The following LRRTM4 variants were observed in gnomAD, a reference collection of about 807,000 sequenced individuals.
LRRTM4 encodes the protein leucine-rich repeat transmembrane neuronal protein 4.
In LRRTM4, 25 loss-of-function variants were observed where a neutral mutation model predicts 47.6. The observed-to-expected ratio is 0.53, with a 90% CI of 0.38 to 0.73. The LOEUF is 0.73. LRRTM4 is among the 30% of genes least tolerant of loss of function. LRRTM4 has a pLI of 0.00. For synonymous variants in LRRTM4, 311 were observed against 269.5 expected, an observed-to-expected ratio of 1.15 and a Z score of -1.51; for missense variants, 638 against 713.4, an observed-to-expected ratio of 0.89 and a Z score of 1.20.
In LRRTM4 at chr2:77,231,838, C is replaced by T. The variant is rs192114844; in HGVS notation, c.1551+286480G>A. ...ACACATGACTCTAACGTTAGGTATT[C>T]TGACTTATTTATACTGCAAGCTACT... On this transcript the variant is annotated intron_variant, in intron 3 of 3. Coordinates refer to ENST00000409884, the MANE Select transcript of LRRTM4 (RefSeq NM_001134745.3). 3.5e-4 allele frequency among the ~76,000 whole-genome samples: 53 copies of T among 152,252 alleles called. 1 individual carries two copies. Among genetic ancestry groups the T allele is most frequent in the Admixed American group, 3.3e-3 (50 of 15,288 alleles).
intron 3 of LRRTM4, among the ~76,000 whole-genome samples, chr2:77,140,874 C>T (rs1439778471): frequency 6.6e-6 from 1 of 152,166 alleles, no homozygotes; most frequent in African/African-American, 2.4e-5. Context: ...TGAAAAAATG[C>T]TCATCATCAC....
At chr2:76,899,288 G>A (rs188696587) in intron 3 of LRRTM4, among the ~76,000 whole-genome samples, 4 of 146,150 alleles carry the variant, frequency 2.7e-5, no homozygotes, top group Admixed American at 2.1e-4. Flanking sequence ...AAATTCTATT[G>A]GAGGGAGAGA....
chr2:77,180,185 C>G (rs776732700), intron 3 of LRRTM4, among the ~76,000 whole-genome samples: 1 of 152,142 alleles, frequency 6.6e-6, no homozygotes, highest in Non-Finnish European at 1.5e-5. Context: ...ACTATAGTCT[C>G]TTTCAAACAA....
At chr2:77,346,538 C>A (rs180671226) in intron 3 of LRRTM4, among the ~76,000 whole-genome samples, 11 of 152,038 alleles carry the variant, frequency 7.2e-5, no homozygotes, top group African/African-American at 2.4e-4. Flanking sequence ...AAGAGACATT[C>A]ATATATTCAT....
In LRRTM4 at chr2:77,081,684, A is replaced by G. The variant is rs140791911; in HGVS notation, c.1552-332768T>C. Among the ~76,000 whole-genome samples the G allele has an allele frequency of 5.3e-3, 813 of 152,292 alleles. 8 individuals carry two copies. The highest frequency in any genetic ancestry group is 0.019 in the African/African-American group (782 of 41,576). On this transcript the variant is annotated intron_variant, in intron 3 of 3. Coordinates refer to ENST00000409884, the MANE Select transcript of LRRTM4 (RefSeq NM_001134745.3). ...TTTTCTCAAATCTTATTTCATTAGCAGTTTATCAGTTAGGAAACGTATTCT... is the reference window on the plus strand; with the variant it reads ...TTTTCTCAAATCTTATTTCATTAGCGGTTTATCAGTTAGGAAACGTATTCT...
intron 3 of LRRTM4, among the ~76,000 whole-genome samples, chr2:77,090,132 C>A (rs976585708): frequency 2.0e-5 from 3 of 152,138 alleles, no homozygotes; most frequent in African/African-American, 7.2e-5. Flanking sequence ...CTTTTTATCA[C>A]CTCCCCTCCT....
chr2:77,219,639 G>A (rs1031989433), intron 3 of LRRTM4, among the ~76,000 whole-genome samples: 1 of 152,126 alleles, frequency 6.6e-6, no homozygotes, highest in African/African-American at 2.4e-5. Flanking sequence ...TGACATTTTT[G>A]CATCTTGGAA....
At chr2:77,049,232 G>A (rs1163765194) in intron 3 of LRRTM4, among the ~76,000 whole-genome samples, 1 of 143,772 alleles carries the variant, frequency 7.0e-6, no homozygotes, top group Non-Finnish European at 1.5e-5. Flanking sequence ...CCTTATCTCT[G>A]CTATTGTGAA....
intron 3 of LRRTM4, among the ~76,000 whole-genome samples, chr2:77,510,670 T>C (rs1678949594): frequency 6.6e-6 from 1 of 152,046 alleles, no homozygotes. Context: ...TATTCCTATT[T>C]TGAAGCATAT....
intron 3 of LRRTM4, among the ~76,000 whole-genome samples, chr2:76,824,219 G>A (rs994328512): frequency 7.9e-5 from 12 of 151,522 alleles, no homozygotes; most frequent in African/African-American, 2.2e-4. Flanking sequence ...AATGGAAAGC[G>A]TGTTTGCCTC....
intron 3 of LRRTM4, among the ~76,000 whole-genome samples, chr2:77,443,846 C>A (rs1389703860): frequency 1.3e-5 from 2 of 152,010 alleles, no homozygotes; most frequent in African/African-American, 2.4e-5. Context: ...TGATTTATAT[C>A]TATGGCAGTA....
At chr2:77,039,549 G>C (rs1678955510) in intron 3 of LRRTM4, among the ~76,000 whole-genome samples, 1 of 151,076 alleles carries the variant, frequency 6.6e-6, no homozygotes, top group South Asian at 2.1e-4. Flanking sequence ...GTGATGTTTG[G>C]ATTTATGTAA....
intron 3 of LRRTM4, among the ~76,000 whole-genome samples, chr2:76,913,969 CAT>C (rs1382366998): frequency 6.6e-6 from 1 of 151,750 alleles, no homozygotes; most frequent in Admixed American, 6.6e-5. Context: ...TTTAGAAATG[CAT>C]ATCTCTTCAA....
Position 77,023,740 on chromosome 2 carries a change from G to A in LRRTM4, c.1552-274824C>T, listed in dbSNP as rs190935110. 6.8e-4 allele frequency among the ~76,000 whole-genome samples: 103 copies of A among 152,250 alleles called. 1 individual carries two copies. Among genetic ancestry groups the A allele is most frequent in the African/African-American group, 2.5e-3 (103 of 41,562 alleles). On this transcript the variant is annotated intron_variant, in intron 3 of 3. Coordinates refer to ENST00000409884, the MANE Select transcript of LRRTM4 (RefSeq NM_001134745.3). ...CACCTCAACCAGCATTTTGGTCAAA[G>A]CCACTCAACAAGGCTCTAGGGAGTT...
At chr2:77,336,992 T>A (rs1671191321) in intron 3 of LRRTM4, among the ~76,000 whole-genome samples, 1 of 152,256 alleles carries the variant, frequency 6.6e-6, no homozygotes, top group East Asian at 1.9e-4. Flanking sequence ...AAAATGCTTT[T>A]AGACCTGAGG....
chr2:77,449,863 G>A (rs1000878687), intron 3 of LRRTM4, among the ~76,000 whole-genome samples: 5 of 152,128 alleles, frequency 3.3e-5, no homozygotes, highest in Non-Finnish European at 5.9e-5. Context: ...TCTCTCCAGC[G>A]CTGCTGTTAA....
chr2:77,356,687 G>T (rs929690065), intron 3 of LRRTM4, among the ~76,000 whole-genome samples: 1 of 152,092 alleles, frequency 6.6e-6, no homozygotes, highest in Non-Finnish European at 1.5e-5. Context: ...GACTACAAAG[G>T]TCAATGGGTA....
At chr2:77,109,770 A>G (rs1671196446) in intron 3 of LRRTM4, among the ~76,000 whole-genome samples, 1 of 152,116 alleles carries the variant, frequency 6.6e-6, no homozygotes, top group Non-Finnish European at 1.5e-5. Context: ...AATTCTTAAG[A>G]TAGGAAGAAG....
chr2:76,962,903 G>A (rs1247607485), intron 3 of LRRTM4, among the ~76,000 whole-genome samples: 2 of 150,328 alleles, frequency 1.3e-5, no homozygotes, highest in Admixed American at 1.3e-4. Flanking sequence ...GAAGCCAAAA[G>A]TTGATTTAGA....
Sources: allele counts gnomAD v4.1 joint callset (sites outside exome capture counted in the v4.1 genomes callset), GRCh38; gene constraint gnomAD v4.1.1; transcripts MANE v1.5; gene names NCBI Gene and HGNC (gene_info 2026-07-23, HGNC 2026-07-21).